STXBP5L: variants seen among roughly 807,000 people sequenced by gnomAD.
The protein encoded by STXBP5L is syntaxin binding protein 5L.
A neutral mutation model predicts 144.5 loss-of-function variants in STXBP5L; 65 were observed. The observed-to-expected ratio is 0.45, with a 90% CI of 0.37 to 0.55. STXBP5L has a LOEUF of 0.55. Ranked by LOEUF, STXBP5L falls within the 20% of genes least tolerant of loss-of-function variation. STXBP5L has a pLI of 0.00. For synonymous variants in STXBP5L, 505 were observed against 469.6 expected, an observed-to-expected ratio of 1.08 and a Z score of -0.97; for missense variants, 1,298 against 1,405.5, an observed-to-expected ratio of 0.92 and a Z score of 1.22.
At chr3:121,405,371 A>C (rs2046972710) in intron 22 of STXBP5L, among the ~76,000 whole-genome samples, 1 of 152,070 alleles carries the variant, frequency 6.6e-6, no homozygotes, top group African/African-American at 2.4e-5. Flanking sequence ...TATCAGACAT[A>C]TTATCTATCT....
At chr3:121,064,803 A>T (rs982214318) in intron 5 of STXBP5L, among the ~76,000 whole-genome samples, 3 of 152,150 alleles carry the variant, frequency 2.0e-5, no homozygotes, top group African/African-American at 7.2e-5. Context: ...TGGACATATT[A>T]TGTGATGCTG....
intron 5 of STXBP5L, among the ~76,000 whole-genome samples, chr3:121,103,194 G>C (rs1334273622): frequency 2.0e-5 from 3 of 150,984 alleles, no homozygotes; most frequent in African/African-American, 7.3e-5. Flanking sequence ...CCCATTACTG[G>C]GTATATATCC....
chr3:121,054,180 T>C (rs987721370), intron 5 of STXBP5L, among the ~76,000 whole-genome samples: 2 of 152,196 alleles, frequency 1.3e-5, no homozygotes, highest in African/African-American at 4.8e-5. Context: ...GAAGTCAGTG[T>C]GGCGATTCCT....
intron 23 of STXBP5L, among the ~76,000 whole-genome samples, chr3:121,408,955 G>T (rs1270579587): frequency 6.6e-6 from 1 of 151,890 alleles, no homozygotes; most frequent in Non-Finnish European, 1.5e-5. Flanking sequence ...AGGAAAGTCA[G>T]AAGGATTTGA....
At chr3:121,092,774 G>T (rs2042883795) in intron 5 of STXBP5L, among the ~76,000 whole-genome samples, 1 of 152,160 alleles carries the variant, frequency 6.6e-6, no homozygotes, top group Non-Finnish European at 1.5e-5. Flanking sequence ...TCCTTCTCCT[G>T]TCTAATTGCC....
chr3:121,098,832 C>T (rs2043268727), intron 5 of STXBP5L, among the ~76,000 whole-genome samples: 1 of 152,140 alleles, frequency 6.6e-6, no homozygotes, highest in Non-Finnish European at 1.5e-5. Flanking sequence ...GGAGCATCCA[C>T]TTTACTCCCT....
intron 5 of STXBP5L, among the ~76,000 whole-genome samples, chr3:121,050,716 C>A (rs1003389747): frequency 6.6e-6 from 1 of 152,062 alleles, no homozygotes; most frequent in Non-Finnish European, 1.5e-5. Flanking sequence ...AATGACAGGA[C>A]CAAATACACA....
At chr3:121,057,955 T>A (rs969637968) in intron 5 of STXBP5L, among the ~76,000 whole-genome samples, 6 of 151,418 alleles carry the variant, frequency 4.0e-5, no homozygotes, top group African/African-American at 1.5e-4. Flanking sequence ...CTTTTATTTA[T>A]GTTTTTTGTT....
chr3:121,150,028 A>C (rs1300101623), intron 7 of STXBP5L, among the ~76,000 whole-genome samples: 1 of 151,980 alleles, frequency 6.6e-6, no homozygotes, highest in African/African-American at 2.4e-5. Flanking sequence ...ATATTTCATT[A>C]TGATTTCTTC....
chr3:121,018,311 C>T (rs1409699593), intron 3 of STXBP5L, among the ~76,000 whole-genome samples: 1 of 152,044 alleles, frequency 6.6e-6, no homozygotes, highest in African/African-American at 2.4e-5. Flanking sequence ...CATTACTGGA[C>T]TTCAAGTCTT....
intron 20 of STXBP5L, among the ~76,000 whole-genome samples, chr3:121,368,611 G>C (rs892835438): frequency 3.0e-4 from 45 of 151,824 alleles, no homozygotes; most frequent in Non-Finnish European, 4.4e-5. Context: ...AATCATATTT[G>C]CTCCATTTTC....
At chr3:121,324,452 A>G (rs2044078225) in intron 20 of STXBP5L, 1 of 659,850 alleles carries the variant, frequency 1.5e-6, no homozygotes, top group African/African-American at 1.8e-5. Context: ...CACTTAGGCT[A>G]AGGTACTCCA....
intron 3 of STXBP5L, among the ~76,000 whole-genome samples, chr3:120,960,221 G>A (rs1226658637): frequency 2.0e-5 from 3 of 152,162 alleles, no homozygotes; most frequent in Admixed American, 6.5e-5. Flanking sequence ...ACCATCTCAT[G>A]CCAGTTAGAA....
chr3:121,010,324 C>T (rs1426091792), intron 3 of STXBP5L, among the ~76,000 whole-genome samples: 1 of 151,714 alleles, frequency 6.6e-6, no homozygotes, highest in African/African-American at 2.4e-5. Flanking sequence ...AATTGGTCTC[C>T]CCTTCAATTG....
At chr3:121,316,653 A>G (rs1435212729) in intron 19 of STXBP5L, among the ~76,000 whole-genome samples, 2 of 152,212 alleles carry the variant, frequency 1.3e-5, no homozygotes, top group Non-Finnish European at 2.9e-5. Context: ...GGTACAAAAT[A>G]ATAGATACTA....
chr3:121,190,903 G>A, intron 9 of STXBP5L, among the ~76,000 whole-genome samples: 2 of 151,908 alleles, frequency 1.3e-5, no homozygotes, highest in Non-Finnish European at 2.9e-5. Context: ...TCCCAGACGG[G>A]GTCACGGCCG....
At chr3:121,181,270 C>G (rs370971726) in intron 9 of STXBP5L, among the ~76,000 whole-genome samples, 4 of 146,092 alleles carry the variant, frequency 2.7e-5, no homozygotes, top group Non-Finnish European at 6.0e-5. Flanking sequence ...TAGCTGAGAT[C>G]GTGCCATTCC....
chr3:121,073,538 G>A (rs754926135), intron 5 of STXBP5L, among the ~76,000 whole-genome samples: 1 of 152,192 alleles, frequency 6.6e-6, no homozygotes, highest in Non-Finnish European at 1.5e-5. Flanking sequence ...CCAGTACCAT[G>A]ACCCTAGTGT....
chr3:121,193,372 TG>T (rs1175623690), intron 9 of STXBP5L, among the ~76,000 whole-genome samples: 1 of 143,062 alleles, frequency 7.0e-6, no homozygotes, highest in Non-Finnish European at 1.5e-5. Flanking sequence ...ACACTGTTAG[TG>T]GGAGTTTAAA....
Sources: allele counts gnomAD v4.1 joint callset (sites outside exome capture counted in the v4.1 genomes callset), GRCh38; gene constraint gnomAD v4.1.1; transcripts MANE v1.5; gene names NCBI Gene and HGNC (gene_info 2026-07-23, HGNC 2026-07-21).